Variants in NDST4 observed in about 807,000 individuals in gnomAD.
NDST4 encodes N-heparan sulfate sulfotransferase 4.
A neutral mutation model predicts 100.8 loss-of-function variants in NDST4; 63 were observed. The observed-to-expected ratio is 0.62, with a 90% CI of 0.51 to 0.77. NDST4 has a LOEUF of 0.77. NDST4 is among the 30% of genes least tolerant of loss of function. The pLI, the probability that NDST4 is intolerant of heterozygous loss-of-function variation, is 0.00. For synonymous variants in NDST4, 377 were observed against 361.8 expected (o/e 1.04, Z -0.48); for missense variants, 943 against 1,018.4 (o/e 0.93, Z 1.01).
intron 2 of NDST4, among the ~76,000 whole-genome samples, chr4:115,013,370 T>TATATAC (rs74678897): frequency 0.046 from 3,274 of 71,274 alleles, 219 homozygotes; most frequent in African/African-American, 0.12. Context: ...TATATATATA[T>TATATAC]ACACACACAT....
At chr4:114,901,987 T>A (rs184971434) in intron 6 of NDST4, among the ~76,000 whole-genome samples, 2 of 152,158 alleles carry the variant, frequency 1.3e-5, no homozygotes, top group East Asian at 3.9e-4. Flanking sequence ...AATGTTTGTG[T>A]TATTTCAGTC....
At chr4:115,040,582 G>A (rs1271146726) in intron 2 of NDST4, among the ~76,000 whole-genome samples, 1 of 151,836 alleles carries the variant, frequency 6.6e-6, no homozygotes, top group Non-Finnish European at 1.5e-5. Flanking sequence ...GGAAGTCCAA[G>A]TATGATGCCA....
At chr4:115,069,174 A>G (rs1273170407) in intron 2 of NDST4, among the ~76,000 whole-genome samples, 1 of 152,150 alleles carries the variant, frequency 6.6e-6, no homozygotes, top group African/African-American at 2.4e-5. Context: ...TATTTTAGTA[A>G]AGGCATAGAA....
chr4:114,935,743 G>A (rs891376440), intron 5 of NDST4, among the ~76,000 whole-genome samples: 25 of 151,786 alleles, frequency 1.6e-4, no homozygotes, highest in Non-Finnish European at 2.9e-5. Flanking sequence ...GCAGGTTCTG[G>A]GATTTACCAC....
chr4:114,998,449 T>G (rs1727212760), intron 2 of NDST4, among the ~76,000 whole-genome samples: 1 of 152,072 alleles, frequency 6.6e-6, no homozygotes, highest in African/African-American at 2.4e-5. Flanking sequence ...TGCAACCCCA[T>G]TAACTATTCC....
intron 7 of NDST4, among the ~76,000 whole-genome samples, chr4:114,869,531 T>C (rs537344911): frequency 6.6e-6 from 1 of 152,260 alleles, no homozygotes; most frequent in South Asian, 2.1e-4. Flanking sequence ...ATTTTGTGTG[T>C]TGATATATGC....
chr4:115,085,002 C>T lies in NDST4; in HGVS notation c.-246-7720G>A, dbSNP rs536105704. Among the ~76,000 whole-genome samples the T allele has an allele frequency of 3.3e-5, 5 of 152,286 alleles. No individual in the cohort carries two copies. In the East Asian group the frequency reaches 9.7e-4, roughly 29 times the overall value. ...TTGAAAAAGCCACAGACACTGAATA[C>T]CAACTGTGAAAGCAGATGTGAGGGG... On this transcript the variant is annotated intron_variant, in intron 1 of 13. Transcript: ENST00000264363.
Position 115,030,869 on chromosome 4 carries a change from T to G in NDST4, c.978+45190A>C, listed in dbSNP as rs187555619. The stretch of plus-strand genomic sequence containing the variant: ...ATGAGATAAGTATTGGGCCTCAACT[T>G]TAATCTAGAAATGGTAGTTAATTCA... On this transcript the variant is annotated intron_variant, in intron 2 of 13. Transcript: ENST00000264363. Among the ~76,000 whole-genome samples the G allele has an allele frequency of 1.8e-4, 27 of 152,196 alleles. No homozygotes were observed. In the East Asian group the frequency reaches 5.0e-3, roughly 28 times the overall value.
At chr4:114,966,377 T>C (rs112542619) in intron 4 of NDST4, among the ~76,000 whole-genome samples, 20 of 151,598 alleles carry the variant, frequency 1.3e-4, no homozygotes, top group African/African-American at 4.6e-4. Flanking sequence ...TGTGGCAATG[T>C]GTTTCTCTCA....
chr4:115,007,283 C>T (rs1727440785), intron 2 of NDST4, among the ~76,000 whole-genome samples: 1 of 152,136 alleles, frequency 6.6e-6, no homozygotes, highest in African/African-American at 2.4e-5. Flanking sequence ...CTTCTAAATG[C>T]TTAACCCTTA....
chr4:114,913,342 CTT>C (rs1357727246), intron 6 of NDST4, among the ~76,000 whole-genome samples: 1 of 151,946 alleles, frequency 6.6e-6, no homozygotes, highest in Non-Finnish European at 1.5e-5. Context: ...AAAAAAATAA[CTT>C]TCTAAAATTT....
At chr4:115,034,386 C>G (rs1728188254) in intron 2 of NDST4, among the ~76,000 whole-genome samples, 2 of 151,920 alleles carry the variant, frequency 1.3e-5, no homozygotes, top group African/African-American at 4.8e-5. Flanking sequence ...CTGTCAGTGT[C>G]AGGAATTGTG....
At chr4:114,872,694 A>C (rs1282973581) in intron 6 of NDST4, among the ~76,000 whole-genome samples, 3 of 151,988 alleles carry the variant, frequency 2.0e-5, no homozygotes, top group African/African-American at 7.2e-5. Context: ...TGAAATAATT[A>C]AATCCTCTCA....
chr4:114,838,946 A>G (rs145145901), intron 11 of NDST4, among the ~76,000 whole-genome samples: 57 of 151,904 alleles, frequency 3.8e-4, no homozygotes, highest in African/African-American at 1.3e-3. Context: ...TTCTTTCCTT[A>G]TAAGGGCCAT....
chr4:114,848,123 A>G, intron 9 of NDST4, 92 bp downstream of exon 9: 1 of 1,075,508 alleles, frequency 9.3e-7, no homozygotes, highest in Non-Finnish European at 1.3e-6. Context: ...TTTATCCTGT[A>G]ATTATGCAGA....
chr4:114,842,481 A>C (rs2126184526), intron 10 of NDST4, among the ~76,000 whole-genome samples: 1 of 152,088 alleles, frequency 6.6e-6, no homozygotes, highest in East Asian at 1.9e-4. Context: ...CAAAAGAAAA[A>C]AAAGAAAAAC....
chr4:115,076,691 C>T lies in NDST4; in HGVS notation c.346G>A (p.Asp116Asn), dbSNP rs145767700. 1 of 1,613,890 alleles carries T rather than the reference C, an allele frequency of 6.2e-7. No homozygotes were observed. Among genetic ancestry groups the T allele is most frequent in the Middle Eastern group, 1.7e-4 (1 of 6,056 alleles). Residue 116 changes from aspartate to asparagine, a missense_variant, in exon 2 of 14, where the codon GAT (aspartate) becomes AAT (asparagine). By Grantham distance (23) the Asp-to-Asn change is conservative. This residue lies in a region of NDST4 where 417 missense variants were observed against 384.2 expected (regional missense o/e 1.09). Transcript: ENST00000264363. ...CCATTATCTGTAAGAGGAGGTATAT[C>T]TCCCTTTCCAGGGGCAATAACCATG... Reference protein sequence around the residue: ...YHMVIAPGKGDIPPLTDNGKG... With the variant: ...YHMVIAPGKGNIPPLTDNGKG...
intron 6 of NDST4, among the ~76,000 whole-genome samples, chr4:114,897,500 C>A (rs1028977941): frequency 1.3e-5 from 2 of 152,098 alleles, no homozygotes; most frequent in African/African-American, 4.8e-5. Context: ...CTTGTTTCTT[C>A]CAAGATTTGG....
At position 114,986,832 on chromosome 4, in the gene NDST4, A is replaced by ATATATATATATATATATTTT; in HGVS notation, c.979-9559_979-9558insAAAATATATATATATATATA. Among the ~76,000 whole-genome samples, 97 of 94,620 alleles carry ATATATATATATATATATTTT rather than the reference A, an allele frequency of 1.0e-3. 4 individuals carry two copies. Among genetic ancestry groups the ATATATATATATATATATTTT allele is most frequent in the Non-Finnish European group, 1.5e-3 (68 of 46,208 alleles). The allele number at this position is 94,620 out of a possible 152,430, so 62.1% of individuals were successfully genotyped here. On this transcript the variant is annotated intron_variant, in intron 2 of 13. Coordinates refer to ENST00000264363, the MANE Select transcript of NDST4 (RefSeq NM_022569.3). ...TATATATATATATATATATATATAT[A>ATATATATATATATATATTTT]TTTTAATATACTATTCCTATAAGCT...
Sources: allele counts gnomAD v4.1 joint callset (sites outside exome capture counted in the v4.1 genomes callset), GRCh38; gene constraint gnomAD v4.1.1; regional missense constraint gnomAD v4.1.1; transcripts MANE v1.5; gene names NCBI Gene and HGNC (gene_info 2026-07-23, HGNC 2026-07-21).